KIF26B: variants seen among roughly 807,000 people sequenced by gnomAD.
KIF26B encodes kinesin family member 26B.
In KIF26B, 63 loss-of-function variants were observed where a neutral mutation model predicts 151.2. That is an observed-to-expected ratio of 0.42 (90% CI 0.34 to 0.51). The LOEUF (loss-of-function observed/expected upper bound fraction) is 0.51. Among genes scored for constraint, KIF26B ranks in the 20% least tolerant of loss-of-function variants. The pLI, the probability that KIF26B is intolerant of heterozygous loss-of-function variation, is 0.07. For missense variants in KIF26B, 2,813 were observed against 2,913.6 expected (o/e 0.97, Z 0.79); for synonymous variants, 1,357 against 1,262.1 (o/e 1.08, Z -1.59).
At chr1:245,405,253 T>C (rs1277746617) in intron 3 of KIF26B, among the ~76,000 whole-genome samples, 1 of 152,132 alleles carries the variant, frequency 6.6e-6, no homozygotes, top group East Asian at 1.9e-4. Context: ...CCTCATGGAG[T>C]AAGGGATCCG....
intron 4 of KIF26B, among the ~76,000 whole-genome samples, chr1:245,465,920 G>T (rs1439860835): frequency 6.6e-6 from 1 of 152,206 alleles, no homozygotes; most frequent in East Asian, 1.9e-4. Context: ...CCATCCTGAA[G>T]CCAGAAGGAA....
Position 245,500,088 on chromosome 1 carries a change from A to G in KIF26B, c.1167-40679A>G, listed in dbSNP as rs114481815. Among the ~76,000 whole-genome samples, 1,377 of 152,364 alleles carry G rather than the reference A, an allele frequency of 9.0e-3. 27 individuals carry two copies. Among genetic ancestry groups the G allele is most frequent in the African/African-American group, 0.031 (1,303 of 41,584 alleles). On this transcript the variant is annotated intron_variant, in intron 4 of 14. Transcript: ENST00000407071. ...AAGAACGGTGGAAGGTTTTAGGACTACTGTGTCTTACATATTCATTGTCTA... is the reference window on the plus strand; with the variant it reads ...AAGAACGGTGGAAGGTTTTAGGACTGCTGTGTCTTACATATTCATTGTCTA...
At position 245,597,451 on chromosome 1, in the gene KIF26B, C is replaced by T. The variant is rs772559751; in HGVS notation, c.1351-5126C>T. ...ATTCTTTAAGAGTGTTGACTATTGG[C>T]CCCCACCCTCTTCTGGCTTGTAGGG... is the stretch of plus-strand genomic sequence containing the variant. On this transcript the variant is annotated intron_variant, in intron 5 of 14. Transcript: ENST00000407071. This position sits in a 1 kb window ranked among gnomAD's most constrained non-coding sequence, Gnocchi z 4.6. Among the ~76,000 whole-genome samples, 106 of 152,114 alleles carry T rather than the reference C, an allele frequency of 7.0e-4. No individual in the cohort carries two copies. The highest frequency in any genetic ancestry group is 6.9e-4 in the Non-Finnish European group (47 of 67,998).
rs150475997 is a variant in KIF26B, at chr1:245,321,098, A to G, written c.466-45736A>G. On this transcript the variant is annotated intron_variant, in intron 2 of 14. Transcript: ENST00000407071. Reference sequence around the variant, plus strand: ...AAAAAAATCACATATCCACCATTACAGTATCACACAGAGTCGTTTCACTAC... The same window carrying G: ...AAAAAAATCACATATCCACCATTACGGTATCACACAGAGTCGTTTCACTAC... Among the ~76,000 whole-genome samples the G allele has an allele frequency of 6.5e-4, 99 of 152,356 alleles. No individual in the cohort carries two copies. In the East Asian group the frequency reaches 8.1e-3, roughly 12 times the overall value.
intron 3 of KIF26B, among the ~76,000 whole-genome samples, chr1:245,389,036 CTT>C (rs549627264): frequency 1.3e-3 from 198 of 152,334 alleles, no homozygotes; most frequent in African/African-American, 4.5e-3. Context: ...CTCTCTCTCT[CTT>C]GCCAGGAAAG....
At chr1:245,336,565 T>C (rs1457546656) in intron 2 of KIF26B, among the ~76,000 whole-genome samples, 2 of 152,198 alleles carry the variant, frequency 1.3e-5, no homozygotes, top group Non-Finnish European at 2.9e-5. Flanking sequence ...TCTGGAATAA[T>C]GGTTTGCTTC....
At chr1:245,240,188 G>A (rs2941285) in intron 2 of KIF26B, among the ~76,000 whole-genome samples, 78,190 of 151,754 alleles carry the variant, frequency 0.52, 22,445 homozygotes, top group Non-Finnish European at 0.64. Flanking sequence ...CATTTCCCGT[G>A]AAAACCACGT....
At chr1:245,624,515 T>C (rs2043702498) in intron 9 of KIF26B, among the ~76,000 whole-genome samples, 1 of 152,238 alleles carries the variant, frequency 6.6e-6, no homozygotes, top group Admixed American at 6.5e-5. Flanking sequence ...TAATGACCAA[T>C]GATGCCAAGC....
In KIF26B at chr1:245,333,449, G is replaced by A. The variant is rs537372002; in HGVS notation, c.466-33385G>A. 1.8e-4 allele frequency among the ~76,000 whole-genome samples: 28 copies of A among 152,304 alleles called. No individual in the cohort carries two copies. The South Asian group carries it at 2.1e-3, about 11-fold the overall frequency. On this transcript the variant is annotated intron_variant, in intron 2 of 14. Transcript: ENST00000407071. Reference sequence around the variant, plus strand: ...AGAGTGGTGGTTTCCAGGGGCTGGCGGGAGAATGGGCAGTGAGTGTTTAGT... The same window carrying A: ...AGAGTGGTGGTTTCCAGGGGCTGGCAGGAGAATGGGCAGTGAGTGTTTAGT...
chr1:245,268,353 T>A (rs1027385382), intron 2 of KIF26B, among the ~76,000 whole-genome samples: 9 of 151,652 alleles, frequency 5.9e-5, no homozygotes, highest in Admixed American at 4.6e-4. Context: ...ACGCCTGTAG[T>A]CCCAGCTACT....
At position 245,155,001 on chromosome 1, in the gene KIF26B, G is replaced by T. The variant is rs1256052045; in HGVS notation, c.-424G>T. On this transcript the variant is annotated 5_prime_UTR_variant, in exon 1 of 15. Transcript: ENST00000407071. ...TTTGAACTCAGTTACCAAGCTCGGT[G>T]AAGGAGACAAGTTCCCACAGCTGAC... is the stretch of plus-strand genomic sequence containing the variant. 4.8e-6 allele frequency: 2 copies of T among 419,196 alleles called. No individual in the cohort carries two copies. The highest frequency in any genetic ancestry group is 8.3e-6 in the Non-Finnish European group (2 of 240,948). 26.0% of individuals were successfully genotyped at this position (419,196 alleles called of 1,614,324 possible).
At chr1:245,271,847 T>A (rs530853982) in intron 2 of KIF26B, among the ~76,000 whole-genome samples, 1 of 152,318 alleles carries the variant, frequency 6.6e-6, no homozygotes, top group Non-Finnish European at 1.5e-5. Context: ...GACTTTGTTA[T>A]CACTATAATG....
intron 4 of KIF26B, among the ~76,000 whole-genome samples, chr1:245,499,749 G>T (rs1331925473): frequency 6.6e-6 from 1 of 152,236 alleles, no homozygotes; most frequent in Non-Finnish European, 1.5e-5. Flanking sequence ...TTGCTGTCCT[G>T]GGCCTGGAGG....
At chr1:245,518,892 G>C (rs1181460357) in intron 4 of KIF26B, among the ~76,000 whole-genome samples, 3 of 152,124 alleles carry the variant, frequency 2.0e-5, no homozygotes, top group African/African-American at 7.2e-5. Context: ...AGTTAGTGAG[G>C]ACTGCTACAC....
At chr1:245,175,949 GATATCT>G (rs1668797745) in intron 2 of KIF26B, among the ~76,000 whole-genome samples, 1 of 118,038 alleles carries the variant, frequency 8.5e-6, no homozygotes, top group African/African-American at 3.7e-5. Context: ...TATATATATA[GATATCT>G]ATATCTATAT....
chr1:245,176,126 A>G (rs1334409881), intron 2 of KIF26B, among the ~76,000 whole-genome samples: 1 of 151,988 alleles, frequency 6.6e-6, no homozygotes, highest in Non-Finnish European at 1.5e-5. Flanking sequence ...CAGCCTCCCG[A>G]GTAGCTGGGA....
chr1:245,540,186 C>T lies in KIF26B; in HGVS notation c.1167-581C>T, dbSNP rs1234025539. On this transcript the variant is annotated intron_variant, in intron 4 of 14. Coordinates refer to ENST00000407071, the MANE Select transcript of KIF26B (RefSeq NM_018012.4). This position sits in a 1 kb window ranked among gnomAD's most constrained non-coding sequence, Gnocchi z 4.6. ...CTTATCTACGTAAGCAGCCCATAGC[C>T]TCAGCGCCCTGCACCCTGGTTGGAG... Among the ~76,000 whole-genome samples, 3 of 152,166 alleles carry T rather than the reference C, an allele frequency of 2.0e-5. No individual in the cohort carries two copies. Among genetic ancestry groups the T allele is most frequent in the African/African-American group, 7.2e-5 (3 of 41,426 alleles).
At chr1:245,187,409 T>A (rs949391741) in intron 2 of KIF26B, among the ~76,000 whole-genome samples, 15 of 152,218 alleles carry the variant, frequency 9.9e-5, no homozygotes, top group African/African-American at 3.4e-4. Flanking sequence ...TGTAGTTTAT[T>A]CCAGTGATGG....
rs780567755 is a variant in KIF26B, at chr1:245,686,060, C to T, written c.3077C>T (p.Pro1026Leu). ...SPSPASPRSV[P>L]GSSSQHSASP... ...AGCCCGGCCTCACCCAGGAGCGTCC[C>T]GGGCAGCAGTAGCCAGCACAGCGCC... is the stretch of plus-strand genomic sequence containing the variant. Residue 1026 changes from proline (P) to leucine (L), a missense_variant, in exon 12 of 15, where the codon CCG becomes CTG. Around this residue, in one of 3 missense-constraint regions of KIF26B, gnomAD observed 2,060 missense variants for 2,088.6 expected, o/e 0.99. Coordinates refer to ENST00000407071, the MANE Select transcript of KIF26B (RefSeq NM_018012.4). This position sits in a 1 kb window ranked among gnomAD's most constrained non-coding sequence, Gnocchi z 5.6. 22 of 1,596,100 alleles carry T rather than the reference C, an allele frequency of 1.4e-5. No homozygotes were observed. The highest frequency in any genetic ancestry group is 4.0e-5 in the African/African-American group (3 of 74,440).
Sources: gnomAD v4.1 joint callset for allele counts (sites outside exome capture counted in the v4.1 genomes callset) on GRCh38, gnomAD v4.1.1 for gene constraint, gnomAD v4.1.1 regional missense constraint, Gnocchi (gnomAD v3.1) non-coding constraint, MANE v1.5 for transcripts, NCBI Gene and HGNC (gene_info 2026-07-23, HGNC 2026-07-21) for gene names.